The following ARHGAP15 variants were observed in gnomAD, a reference collection of about 807,000 sequenced individuals.
The protein encoded by ARHGAP15 is rho GTPase-activating protein 15.
A neutral mutation model predicts 63.7 loss-of-function variants in ARHGAP15; 51 were observed. That is an observed-to-expected ratio of 0.80 (90% CI 0.64 to 1.01). ARHGAP15 has a LOEUF of 1.01. Among genes scored for constraint, ARHGAP15 ranks in the 50% least tolerant of loss-of-function variants. The probability of loss-of-function intolerance (pLI) is 0.00; values close to 1 mark genes in which losing one functional copy is unlikely to be tolerated. For synonymous variants in ARHGAP15, 191 were observed against 193.8 expected (o/e 0.99, Z 0.12); for missense variants, 560 against 564.6 (o/e 0.99, Z 0.08).
chr2:143,675,043 A>G (rs557037718), intron 12 of ARHGAP15, among the ~76,000 whole-genome samples: 2 of 152,354 alleles, frequency 1.3e-5, no homozygotes, highest in South Asian at 2.1e-4. Context: ...ATGGGAGTCA[A>G]TCCTCTCAAA....
At chr2:143,317,188 G>GGTAC (rs1431781167) in intron 6 of ARHGAP15, among the ~76,000 whole-genome samples, 1 of 151,736 alleles carries the variant, frequency 6.6e-6, no homozygotes, top group Non-Finnish European at 1.5e-5. Context: ...TAGACACTTT[G>GGTAC]TCTTTCTTGT....
intron 13 of ARHGAP15, among the ~76,000 whole-genome samples, chr2:143,716,072 C>A (rs1574880884): frequency 6.6e-6 from 1 of 152,056 alleles, no homozygotes; most frequent in African/African-American, 2.4e-5. Flanking sequence ...GGCTGTTGGG[C>A]TTAATACATA....
chr2:143,213,405 C>T (rs773058303), intron 3 of ARHGAP15, among the ~76,000 whole-genome samples: 16 of 151,970 alleles, frequency 1.1e-4, no homozygotes, highest in Admixed American at 4.6e-4. Context: ...CCCAGCTACT[C>T]GGGAGGCTGA....
intron 2 of ARHGAP15, among the ~76,000 whole-genome samples, chr2:143,193,864 G>C (rs182638432): frequency 6.6e-6 from 1 of 152,306 alleles, no homozygotes; most frequent in African/African-American, 2.4e-5. Context: ...TCATGGATCA[G>C]AGCTTTCACA....
chr2:143,591,634 T>C (rs1697325767), intron 11 of ARHGAP15, among the ~76,000 whole-genome samples: 1 of 149,300 alleles, frequency 6.7e-6, no homozygotes, highest in Non-Finnish European at 1.5e-5. Flanking sequence ...TTTCTTTTTT[T>C]TTTTAGAGAA....
chr2:143,291,490 G>C (rs1241094515), intron 6 of ARHGAP15, among the ~76,000 whole-genome samples: 3 of 148,528 alleles, frequency 2.0e-5, no homozygotes, highest in Admixed American at 2.0e-4. Flanking sequence ...TAAAAGCAAA[G>C]CATATATGAT....
chr2:143,645,331 AATT>A (rs1680818718), intron 12 of ARHGAP15, among the ~76,000 whole-genome samples: 1 of 152,194 alleles, frequency 6.6e-6, no homozygotes. Flanking sequence ...TGTACCATAT[AATT>A]ATTATGATTG....
chr2:143,626,556 C>G (rs1472719251), intron 12 of ARHGAP15, among the ~76,000 whole-genome samples: 1 of 152,084 alleles, frequency 6.6e-6, no homozygotes, highest in Non-Finnish European at 1.5e-5. Flanking sequence ...GAAGGGGACC[C>G]CAGCGGGTTA....
At chr2:143,388,554 C>T (rs959299326) in intron 6 of ARHGAP15, among the ~76,000 whole-genome samples, 2 of 152,138 alleles carry the variant, frequency 1.3e-5, no homozygotes, top group African/African-American at 4.8e-5. Flanking sequence ...GTGTTGCCAA[C>T]TAAATATGTA....
chr2:143,417,345 T>C (rs1437877899), intron 6 of ARHGAP15, among the ~76,000 whole-genome samples: 1 of 152,184 alleles, frequency 6.6e-6, no homozygotes, highest in African/African-American at 2.4e-5. Context: ...ACACATACTT[T>C]CTTCTTTCTC....
chr2:143,314,696 A>G (rs1234879722), intron 6 of ARHGAP15: 1 of 150,788 alleles, frequency 6.6e-6, no homozygotes, highest in Non-Finnish European at 1.5e-5. Flanking sequence ...CCTCTAAAAC[A>G]ACTTGAATGA....
intron 11 of ARHGAP15, among the ~76,000 whole-genome samples, chr2:143,617,009 T>A (rs1267139733): frequency 1.3e-5 from 2 of 152,302 alleles, no homozygotes; most frequent in South Asian, 4.1e-4. Context: ...AAAGAATGAA[T>A]ATGAAAACGG....
At position 143,519,169 on chromosome 2, in the gene ARHGAP15, T is replaced by C. The variant is rs547417809; in HGVS notation, c.827-97T>C. ...AGCAAAAAAAAAATCTTATGCAAGA[T>C]GAAGATTTCAGCATGCAATGGATAT... is the stretch of plus-strand genomic sequence containing the variant. On this transcript the variant is annotated intron_variant, in intron 9 of 13. Coordinates refer to ENST00000295095, the MANE Select transcript of ARHGAP15 (RefSeq NM_018460.4). The C allele has an allele frequency of 5.6e-5, 51 of 906,890 alleles. No individual in the cohort carries two copies. The African/African-American group carries it at 8.3e-4, about 15-fold the overall frequency. 56.2% of individuals were successfully genotyped at this position (906,890 alleles called of 1,614,324 possible).
At chr2:143,276,085 T>C (rs539945465) in intron 6 of ARHGAP15, among the ~76,000 whole-genome samples, 9 of 152,338 alleles carry the variant, frequency 5.9e-5, no homozygotes, top group Middle Eastern at 6.8e-3. Flanking sequence ...CCTCTACTCT[T>C]CTGTAGTGCA....
chr2:143,750,664 C>G (rs1343133097), intron 13 of ARHGAP15, among the ~76,000 whole-genome samples: 1 of 152,100 alleles, frequency 6.6e-6, no homozygotes, highest in Non-Finnish European at 1.5e-5. Flanking sequence ...ATGGTTCTTT[C>G]CCTCCAGTTA....
chr2:143,453,439 AT>A (rs1168335613), intron 8 of ARHGAP15, among the ~76,000 whole-genome samples: 3 of 151,982 alleles, frequency 2.0e-5, no homozygotes, highest in Admixed American at 6.6e-5. Flanking sequence ...AGATTAAGTA[AT>A]GTAACGTTTA....
chr2:143,445,045 G>T (rs961657680), intron 8 of ARHGAP15, among the ~76,000 whole-genome samples: 1 of 151,728 alleles, frequency 6.6e-6, no homozygotes, highest in African/African-American at 2.4e-5. Context: ...GCCTAAAAAG[G>T]TAGAGGACTA....
chr2:143,309,794 T>A (rs1335811871), intron 6 of ARHGAP15, among the ~76,000 whole-genome samples: 2 of 151,872 alleles, frequency 1.3e-5, no homozygotes, highest in Non-Finnish European at 2.9e-5. Context: ...GTTAGTGGAA[T>A]CTCAAGTTGT....
chr2:143,263,734 C>T (rs1401578154), intron 6 of ARHGAP15, among the ~76,000 whole-genome samples: 1 of 151,926 alleles, frequency 6.6e-6, no homozygotes, highest in Non-Finnish European at 1.5e-5. Flanking sequence ...TGTCTCCTTC[C>T]AGGCCTCTAA....
Sources: gnomAD v4.1 joint callset for allele counts (sites outside exome capture counted in the v4.1 genomes callset) on GRCh38, gnomAD v4.1.1 for gene constraint, MANE v1.5 for transcripts, NCBI Gene and HGNC (gene_info 2026-07-23, HGNC 2026-07-21) for gene names.